Variants in SH3BGRL2 observed in about 807,000 individuals in gnomAD.
SH3BGRL2 encodes the protein SH3 domain-binding glutamic acid-rich-like protein 2.
A neutral mutation model predicts 14.8 loss-of-function variants in SH3BGRL2; 21 were observed. The observed-to-expected ratio is 1.42, with a 90% CI of 1.01 to 2.05. SH3BGRL2 has a LOEUF of 2.05. Ranked by LOEUF, SH3BGRL2 falls within the 30% of genes most tolerant of loss-of-function variation. The probability of loss-of-function intolerance (pLI) is 0.00; values close to 1 mark genes in which losing one functional copy is unlikely to be tolerated. For missense variants in SH3BGRL2, 147 were observed against 130.8 expected, an observed-to-expected ratio of 1.12 and a Z score of -0.61; for synonymous variants, 50 against 47.8, an observed-to-expected ratio of 1.05 and a Z score of -0.19.
At position 79,703,639 on chromosome 6, in the gene SH3BGRL2, A is replaced by C. The variant is rs1770514340; in HGVS notation, c.*4130A>C. On this transcript the variant is annotated 3_prime_UTR_variant, in exon 4 of 4. Transcript: ENST00000369838. ...ATGTATGTATCCTTAAAGAATAATA[A>C]ATGGAATTAAACTGAATGTATTCTT... 6.6e-6 allele frequency: 1 copy of C among 152,102 alleles called. No individual in the cohort carries two copies. The highest frequency in any genetic ancestry group is 6.6e-5 in the Admixed American group (1 of 15,256). The allele number at this position is 152,102 out of a possible 1,614,324, so 9.4% of individuals were successfully genotyped here.
the SH3BGRL2 span, among the ~76,000 whole-genome samples, chr6:79,624,396 C>A: frequency 6.6e-6 from 1 of 151,226 alleles, no homozygotes; most frequent in Non-Finnish European, 1.5e-5. Context: ...AAAAAGATGA[C>A]TAGGAGAGTC....
chr6:79,667,116 G>A (rs1769676098), intron 1 of SH3BGRL2, among the ~76,000 whole-genome samples: 2 of 152,180 alleles, frequency 1.3e-5, no homozygotes, highest in Non-Finnish European at 2.9e-5. Flanking sequence ...ACTGAACCAA[G>A]AATATTTTGT....
In SH3BGRL2 at chr6:79,673,775, A is replaced by G. The variant is rs1304190929; in HGVS notation, c.207A>G (p.Ile69Met). The part of the protein sequence containing the change: ...PTQGNPLPPQ[I>M]FNGDRYCGDY... The stretch of plus-strand genomic sequence containing the variant: ...AGGGCAACCCCCTGCCACCTCAGAT[A>G]TTTAATGGCGACCGATACTGTGGAG... The change falls in exon 2 of 4, where the codon ATA (isoleucine) becomes ATG (methionine). Residue 69 changes from isoleucine to methionine, a missense_variant. By Grantham distance (10) the Ile-to-Met change is conservative. Coordinates refer to ENST00000369838, the MANE Select transcript of SH3BGRL2 (RefSeq NM_031469.4). The G allele has an allele frequency of 6.2e-7, 1 of 1,613,950 alleles. No homozygotes were observed. The highest frequency in any genetic ancestry group is 8.5e-7 in the Non-Finnish European group (1 of 1,179,960).
intron 1 of SH3BGRL2, among the ~76,000 whole-genome samples, chr6:79,637,424 G>A (rs1460317462): frequency 6.6e-6 from 1 of 152,080 alleles, no homozygotes; most frequent in Non-Finnish European, 1.5e-5. Context: ...CGGGCACAGT[G>A]GCTCATACCT....
rs536613265 is a variant in SH3BGRL2, at chr6:79,644,625, C to G, written c.45+13119C>G. Among the ~76,000 whole-genome samples, 11 of 152,186 alleles carry G rather than the reference C, an allele frequency of 7.2e-5. No homozygotes were observed. In the South Asian group the frequency reaches 2.3e-3, roughly 32 times the overall value. On this transcript the variant is annotated intron_variant, in intron 1 of 3. Coordinates refer to ENST00000369838, the MANE Select transcript of SH3BGRL2 (RefSeq NM_031469.4). ...AATGTAGACTCCAGGGGCAGGAAGA[C>G]CTGGATTTGAATTATGGATCTGATA...
At chr6:79,580,950 A>T in the SH3BGRL2 span, among the ~76,000 whole-genome samples, 2 of 152,236 alleles carry the variant, frequency 1.3e-5, no homozygotes, top group Non-Finnish European at 2.9e-5. Context: ...AAAATGATAA[A>T]TGGGATATCA....
At chr6:79,599,304 C>CT in the SH3BGRL2 span, among the ~76,000 whole-genome samples, 1 of 151,912 alleles carries the variant, frequency 6.6e-6, no homozygotes, top group Non-Finnish European at 1.5e-5. Context: ...CTTGTATACT[C>CT]TATGACCCAG....
chr6:79,693,428 CT>C (rs1169367672), intron 2 of SH3BGRL2, among the ~76,000 whole-genome samples: 23 of 150,052 alleles, frequency 1.5e-4, no homozygotes, highest in Non-Finnish European at 1.3e-4. Context: ...GCATCCCTGT[CT>C]TGTGCCAGTT....
At chr6:79,618,377 T>A in the SH3BGRL2 span, among the ~76,000 whole-genome samples, 4 of 152,196 alleles carry the variant, frequency 2.6e-5, no homozygotes, top group Non-Finnish European at 5.9e-5. Flanking sequence ...TTTTGAGATA[T>A]CCCCATCATT....
intron 1 of SH3BGRL2, among the ~76,000 whole-genome samples, chr6:79,653,663 C>T (rs913932828): frequency 6.6e-5 from 10 of 152,162 alleles, no homozygotes; most frequent in Non-Finnish European, 1.2e-4. Flanking sequence ...GGGTCTGTGC[C>T]TGAATTAGCA....
intron 1 of SH3BGRL2, among the ~76,000 whole-genome samples, chr6:79,662,246 GTCTTT>G (rs1338039734): frequency 6.6e-6 from 1 of 152,132 alleles, no homozygotes; most frequent in Non-Finnish European, 1.5e-5. Context: ...AGCATCGATG[GTCTTT>G]ACAATTTGGC....
At chr6:79,598,128 C>T in the SH3BGRL2 span, among the ~76,000 whole-genome samples, 2 of 152,200 alleles carry the variant, frequency 1.3e-5, no homozygotes, top group Non-Finnish European at 2.9e-5. Context: ...GTGAAGCCCT[C>T]ATACAACACT....
chr6:79,549,772 A>G, the SH3BGRL2 span, among the ~76,000 whole-genome samples: 1 of 152,334 alleles, frequency 6.6e-6, no homozygotes, highest in Non-Finnish European at 1.5e-5. Context: ...ACTGTCTAAA[A>G]TTAGTAAGTT....
the SH3BGRL2 span, among the ~76,000 whole-genome samples, chr6:79,537,671 T>C: frequency 6.6e-6 from 1 of 152,226 alleles, no homozygotes; most frequent in Non-Finnish European, 1.5e-5. Flanking sequence ...GCTCGACTGC[T>C]GAGCGTCGTG....
chr6:79,610,799 G>A, the SH3BGRL2 span, among the ~76,000 whole-genome samples: 1 of 152,132 alleles, frequency 6.6e-6, no homozygotes, highest in Non-Finnish European at 1.5e-5. Flanking sequence ...TACATTGAAC[G>A]TCCTGGCTGC....
chr6:79,691,449 C>T (rs894416292), intron 2 of SH3BGRL2, among the ~76,000 whole-genome samples: 4 of 149,666 alleles, frequency 2.7e-5, no homozygotes, highest in Non-Finnish European at 5.9e-5. Context: ...TGGTGTGCTG[C>T]ACCCATTAAC....
intron 1 of SH3BGRL2, among the ~76,000 whole-genome samples, chr6:79,668,600 TG>T (rs1259995151): frequency 5.9e-5 from 9 of 151,796 alleles, no homozygotes; most frequent in African/African-American, 2.2e-4. Context: ...CTGAAGTTAG[TG>T]GGGGGGAGTG....
At chr6:79,676,002 C>G (rs562561578) in intron 2 of SH3BGRL2, among the ~76,000 whole-genome samples, 3 of 152,244 alleles carry the variant, frequency 2.0e-5, no homozygotes, top group South Asian at 4.1e-4. Context: ...AGCCTTGTTT[C>G]CCTGTGGGAT....
chr6:79,557,782 T>A, the SH3BGRL2 span, among the ~76,000 whole-genome samples: 1 of 152,202 alleles, frequency 6.6e-6, no homozygotes, highest in South Asian at 2.1e-4. Context: ...ATTTTAATAT[T>A]TTATGGGATA....
Sources: allele counts gnomAD v4.1 joint callset (sites outside exome capture counted in the v4.1 genomes callset), GRCh38; gene constraint gnomAD v4.1.1; transcripts MANE v1.5; gene names NCBI Gene and HGNC (gene_info 2026-07-23, HGNC 2026-07-21).